KCNJ10: variants seen among roughly 807,000 people sequenced by gnomAD.
The protein encoded by KCNJ10 is potassium inwardly rectifying channel subfamily J member 10.
Under a neutral mutation model 22.2 loss-of-function variants are expected in KCNJ10, and 9 were observed. The ratio of observed to expected loss-of-function variants is 0.40; its 90% CI spans 0.24 to 0.71. KCNJ10 has a LOEUF of 0.71. Among genes scored for constraint, KCNJ10 ranks in the 30% least tolerant of loss-of-function variants. The pLI, the probability that KCNJ10 is intolerant of heterozygous loss-of-function variation, is 0.35. For missense variants in KCNJ10, 337 were observed against 482.7 expected (o/e 0.70, Z 2.83); for synonymous variants, 184 against 187.3 (o/e 0.98, Z 0.15).
rs145588542 is a variant in KCNJ10 at position 160,041,441 on chromosome 1, T to C, written c.1092A>G (p.Gln364=). ...KLKLEESLRE[Q]AEKEGSALSV... ...TAAGGGCACTGCCCTCCTTCTCAGC[T>C]TGCTCCCTTAATGACTCCTCCAACT... The change falls in exon 2 of 2, where the codon CAA becomes CAG. Residue 364 remains glutamine (Q), a synonymous_variant. Coordinates refer to ENST00000644903, the MANE Select transcript of KCNJ10 (RefSeq NM_002241.5). The surrounding 1 kb of genome is among the most constrained non-coding windows in gnomAD (Gnocchi z 4.4). The C allele has an allele frequency of 5.7e-3, 9,193 of 1,614,038 alleles. 37 individuals are homozygous for C. The highest frequency in any genetic ancestry group is 7.1e-3 in the Non-Finnish European group (8,430 of 1,179,990).
chr1:160,061,483 G>C (rs1401065586), intron 1 of KCNJ10, among the ~76,000 whole-genome samples: 2 of 152,092 alleles, frequency 1.3e-5, no homozygotes, highest in East Asian at 3.9e-4. Flanking sequence ...GCTCTGGGGT[G>C]GGGGGCCTGG....
At chr1:160,054,667 T>G (rs1648981579) in intron 1 of KCNJ10, among the ~76,000 whole-genome samples, 1 of 152,230 alleles carries the variant, frequency 6.6e-6, no homozygotes, top group South Asian at 2.1e-4. Context: ...AGGACCCTCC[T>G]TCCTGTGTCA....
At position 160,052,712 on chromosome 1, in the gene KCNJ10, G is replaced by A. The variant is rs377000868; in HGVS notation, c.1-10180C>T. On this transcript the variant is annotated intron_variant, in intron 1 of 1. Coordinates refer to ENST00000644903, the MANE Select transcript of KCNJ10 (RefSeq NM_002241.5). The stretch of plus-strand genomic sequence containing the variant: ...CTGGGAAGTAAGAGACTTGGGTGCC[G>A]ATCTCAACTCTGCCACTGACTAGCT... 6.6e-4 allele frequency among the ~76,000 whole-genome samples: 100 copies of A among 152,282 alleles called. 2 individuals are homozygous for A. In the South Asian group the frequency reaches 0.012, roughly 18 times the overall value.
intron 1 of KCNJ10, among the ~76,000 whole-genome samples, chr1:160,051,069 G>A (rs1417713510): frequency 1.3e-5 from 2 of 151,818 alleles, no homozygotes; most frequent in South Asian, 2.1e-4. Flanking sequence ...TCAGCCTCCC[G>A]AGTAGCTGGA....
At chr1:160,051,050 T>A (rs1039979638) in intron 1 of KCNJ10, among the ~76,000 whole-genome samples, 2 of 152,108 alleles carry the variant, frequency 1.3e-5, no homozygotes, top group African/African-American at 4.8e-5. Context: ...TTCAAGCGAT[T>A]CTTCTGCCTC....
chr1:160,069,776 G>A (rs769563078), intron 1 of KCNJ10, among the ~76,000 whole-genome samples: 2 of 152,166 alleles, frequency 1.3e-5, no homozygotes, highest in Non-Finnish European at 2.9e-5. Context: ...AGGGGGCATC[G>A]GGAAAGCCCC....
At chr1:160,067,268 T>A (rs1468881538) in intron 1 of KCNJ10, among the ~76,000 whole-genome samples, 2 of 152,184 alleles carry the variant, frequency 1.3e-5, no homozygotes, top group Non-Finnish European at 2.9e-5. Flanking sequence ...TTCAAGGTTC[T>A]GATGGGGGAG....
At chr1:160,058,825 A>G (rs925084675) in intron 1 of KCNJ10, among the ~76,000 whole-genome samples, 2 of 152,086 alleles carry the variant, frequency 1.3e-5, no homozygotes, top group African/African-American at 4.8e-5. Flanking sequence ...TGAACAGACC[A>G]AGCTTTTCTT....
At chr1:160,043,806 T>G (rs1220126831) in intron 1 of KCNJ10, among the ~76,000 whole-genome samples, 1 of 152,214 alleles carries the variant, frequency 6.6e-6, no homozygotes, top group Non-Finnish European at 1.5e-5. Context: ...ACAATTCACT[T>G]AATACAAGGT....
In KCNJ10 at chr1:160,070,106, C is replaced by T; in HGVS notation, c.-85G>A. On this transcript the variant is annotated 5_prime_UTR_variant, in exon 1 of 2. Transcript: ENST00000644903. This position sits in a 1 kb window ranked among gnomAD's most constrained non-coding sequence, Gnocchi z 4.3. ...GGACGGGGCGGGCAGGAGTTAGGAG[C>T]AGAGCTGTGCGACGGGCCGGGCCAG... is the stretch of plus-strand genomic sequence containing the variant. 6.6e-6 allele frequency: 1 copy of T among 152,670 alleles called. No homozygotes were observed. The highest frequency in any genetic ancestry group is 1.5e-5 in the Non-Finnish European group (1 of 68,510). The allele number at this position is 152,670 out of a possible 1,614,324, so 9.5% of individuals were successfully genotyped here.
intron 1 of KCNJ10, among the ~76,000 whole-genome samples, chr1:160,054,468 T>G (rs918663972): frequency 3.7e-4 from 56 of 152,184 alleles, no homozygotes; most frequent in Admixed American, 6.5e-5. Context: ...GCCAGAAGAA[T>G]TAGTATCAGT....
chr1:160,059,337 G>A (rs1649127590), intron 1 of KCNJ10, among the ~76,000 whole-genome samples: 1 of 152,160 alleles, frequency 6.6e-6, no homozygotes, highest in Non-Finnish European at 1.5e-5. Flanking sequence ...GAAGAGGGGG[G>A]TAACTTTCCC....
chr1:160,037,903 A>G lies in KCNJ10; in HGVS notation c.*3490T>C, dbSNP rs1053333485. On this transcript the variant is annotated 3_prime_UTR_variant, in exon 2 of 2. Transcript: ENST00000644903. ...AGAGATTTCGGAAGCCTCTCATGGAACTTCACCATCCCCTAGAGCAGCTGG... is the reference window on the plus strand; with the variant it reads ...AGAGATTTCGGAAGCCTCTCATGGAGCTTCACCATCCCCTAGAGCAGCTGG... The G allele has an allele frequency of 2.0e-5, 3 of 152,270 alleles. No individual in the cohort carries two copies. The highest frequency in any genetic ancestry group is 4.4e-5 in the Non-Finnish European group (3 of 68,112). 9.4% of individuals were successfully genotyped at this position (152,270 alleles called of 1,614,324 possible).
Position 160,057,382 on chromosome 1 carries a change from C to T in KCNJ10, c.-1+12640G>A, listed in dbSNP as rs11265312. On this transcript the variant is annotated intron_variant, in intron 1 of 1. Coordinates refer to ENST00000644903, the MANE Select transcript of KCNJ10 (RefSeq NM_002241.5). Reference sequence around the variant, plus strand: ...TGATGCTCAAGTTACACCATCCCTTCGATCTCCTTTCTCCAGGTGAGTTGT... The same window carrying T: ...TGATGCTCAAGTTACACCATCCCTTTGATCTCCTTTCTCCAGGTGAGTTGT... Among the ~76,000 whole-genome samples, 663 of 152,328 alleles carry T rather than the reference C, an allele frequency of 4.4e-3. 2 individuals are homozygous for T. Among genetic ancestry groups the T allele is most frequent in the African/African-American group, 0.015 (624 of 41,554 alleles).
At chr1:160,048,826 A>T (rs1249358455) in intron 1 of KCNJ10, among the ~76,000 whole-genome samples, 1 of 152,028 alleles carries the variant, frequency 6.6e-6, no homozygotes, top group African/African-American at 2.4e-5. Flanking sequence ...CCTCTCCTTC[A>T]TTCCATTGTC....
chr1:160,047,933 G>T (rs1215012501), intron 1 of KCNJ10, among the ~76,000 whole-genome samples: 2 of 152,186 alleles, frequency 1.3e-5, no homozygotes, highest in Admixed American at 1.3e-4. Flanking sequence ...TAGAGACGGG[G>T]TTTCACCCTG....
intron 1 of KCNJ10, among the ~76,000 whole-genome samples, chr1:160,050,996 TGC>T (rs1648888316): frequency 6.6e-6 from 1 of 152,002 alleles, no homozygotes; most frequent in South Asian, 2.1e-4. Context: ...CAGGCTGGAG[TGC>T]AGTGATGCAA....
intron 1 of KCNJ10, among the ~76,000 whole-genome samples, chr1:160,049,641 G>A (rs1482553576): frequency 2.6e-5 from 3 of 117,436 alleles, no homozygotes; most frequent in African/African-American, 9.4e-5. Context: ...CTACAAATAA[G>A]GTCATTGAAA....
At chr1:160,060,996 A>C (rs1476289927) in intron 1 of KCNJ10, among the ~76,000 whole-genome samples, 1 of 152,126 alleles carries the variant, frequency 6.6e-6, no homozygotes, top group African/African-American at 2.4e-5. Context: ...CACTCTGCCT[A>C]GGGGTAGTGC....
Sources: gnomAD v4.1 joint callset for allele counts (sites outside exome capture counted in the v4.1 genomes callset) on GRCh38, gnomAD v4.1.1 for gene constraint, Gnocchi (gnomAD v3.1) non-coding constraint, MANE v1.5 for transcripts, NCBI Gene and HGNC (gene_info 2026-07-23, HGNC 2026-07-21) for gene names.